Variants in GABRB1 observed in about 807,000 individuals in gnomAD.
GABRB1 encodes the protein gamma-aminobutyric acid type A receptor subunit beta1, also known as gamma-aminobutyric acid receptor subunit beta-1.
A neutral mutation model predicts 51.6 loss-of-function variants in GABRB1; 17 were observed. The ratio of observed to expected loss-of-function variants is 0.33; its 90% CI spans 0.23 to 0.49. GABRB1 has a LOEUF of 0.49. GABRB1 is among the 20% of genes least tolerant of loss of function. The pLI is 0.99. For missense variants in GABRB1, 410 were observed against 600.6 expected (o/e 0.68, Z 3.32); for synonymous variants, 247 against 218.9 (o/e 1.13, Z -1.14).
chr4:47,034,091 A>G, intron 3 of GABRB1, among the ~76,000 whole-genome samples: 1 of 152,188 alleles, frequency 6.6e-6, no homozygotes, highest in East Asian at 1.9e-4. Context: ...TTCCTTTTCA[A>G]TCATTTCCTT....
intron 4 of GABRB1, among the ~76,000 whole-genome samples, chr4:47,306,634 C>T (rs1724482588): frequency 6.6e-6 from 1 of 152,062 alleles, no homozygotes; most frequent in Non-Finnish European, 1.5e-5. Flanking sequence ...TCAATGTGTA[C>T]ATTTTTAAAA....
intron 3 of GABRB1, among the ~76,000 whole-genome samples, chr4:47,152,166 T>C (rs1174180556): frequency 3.3e-5 from 5 of 152,044 alleles, no homozygotes; most frequent in Admixed American, 1.3e-4. Context: ...ATTTTAGTTA[T>C]GTGAAAGTCT....
chr4:47,193,975 A>T (rs1016416502), intron 4 of GABRB1, among the ~76,000 whole-genome samples: 6 of 152,226 alleles, frequency 3.9e-5, no homozygotes, highest in African/African-American at 9.6e-5. Context: ...TTCAGACACA[A>T]TTCTCAAAAA....
intron 3 of GABRB1, among the ~76,000 whole-genome samples, chr4:47,111,714 A>G (rs2109628249): frequency 6.6e-6 from 1 of 151,840 alleles, no homozygotes; most frequent in East Asian, 1.9e-4. Context: ...AAAATACAAC[A>G]ATTAGCTGGG....
chr4:47,230,555 G>A (rs1043860168), intron 4 of GABRB1, among the ~76,000 whole-genome samples: 1 of 152,144 alleles, frequency 6.6e-6, no homozygotes. Context: ...TCTAAGCAGA[G>A]TATCTCATTT....
chr4:47,210,320 A>T (rs1578003700), intron 4 of GABRB1, among the ~76,000 whole-genome samples: 1 of 152,192 alleles, frequency 6.6e-6, no homozygotes, highest in East Asian at 1.9e-4. Flanking sequence ...GCTGAAATGC[A>T]CACAGAGACT....
intron 3 of GABRB1, among the ~76,000 whole-genome samples, chr4:47,085,224 GA>G (rs1293809338): frequency 6.6e-6 from 1 of 152,086 alleles, no homozygotes; most frequent in Non-Finnish European, 1.5e-5. Flanking sequence ...TTATTTAAAA[GA>G]AAAAGAGCAC....
At chr4:47,160,438 G>A (rs1486554794) in intron 3 of GABRB1, among the ~76,000 whole-genome samples, 1 of 152,076 alleles carries the variant, frequency 6.6e-6, no homozygotes, top group African/African-American at 2.4e-5. Context: ...TCCAGATAAG[G>A]GCAAATTGAT....
At chr4:47,085,424 A>G (rs1428535456) in intron 3 of GABRB1, among the ~76,000 whole-genome samples, 1 of 152,232 alleles carries the variant, frequency 6.6e-6, no homozygotes, top group East Asian at 1.9e-4. Flanking sequence ...AGTAAACAAC[A>G]TTCACTTTGT....
chr4:46,999,299 G>T (rs947294882), intron 1 of GABRB1, among the ~76,000 whole-genome samples: 2 of 152,010 alleles, frequency 1.3e-5, no homozygotes, highest in Non-Finnish European at 2.9e-5. Flanking sequence ...GACTGATAAG[G>T]GACTAATAGA....
intron 1 of GABRB1, among the ~76,000 whole-genome samples, chr4:46,997,795 T>C (rs1237733938): frequency 2.0e-5 from 3 of 152,204 alleles, no homozygotes; most frequent in Non-Finnish European, 4.4e-5. Flanking sequence ...CACATATACA[T>C]ATAACAGTTT....
At chr4:47,125,559 C>CTTTTTTTGTTTTTTT (rs1716085677) in intron 3 of GABRB1, among the ~76,000 whole-genome samples, 1 of 80,696 alleles carries the variant, frequency 1.2e-5, no homozygotes, top group African/African-American at 3.9e-5. Flanking sequence ...AGTATAATTT[C>CTTTTTTTGTTTTTTT]TTTTTTTTTT....
At chr4:47,065,622 A>G (rs1172419508) in intron 3 of GABRB1, among the ~76,000 whole-genome samples, 2 of 152,274 alleles carry the variant, frequency 1.3e-5, no homozygotes, top group Non-Finnish European at 2.9e-5. Context: ...TCTTCTTAAT[A>G]TGAGAACTCC....
chr4:47,210,757 A>G (rs896721069), intron 4 of GABRB1, among the ~76,000 whole-genome samples: 1 of 152,166 alleles, frequency 6.6e-6, no homozygotes, highest in African/African-American at 2.4e-5. Context: ...CAGTTGTTAA[A>G]GACATAGAGA....
intron 3 of GABRB1, among the ~76,000 whole-genome samples, chr4:47,155,330 G>A (rs557009165): frequency 6.6e-6 from 1 of 152,136 alleles, no homozygotes; most frequent in South Asian, 2.1e-4. Flanking sequence ...ACAGAGGCCT[G>A]TACTTGGGAC....
At chr4:47,230,898 G>T (rs780563489) in intron 4 of GABRB1, among the ~76,000 whole-genome samples, 16 of 152,158 alleles carry the variant, frequency 1.1e-4, no homozygotes, top group Non-Finnish European at 1.5e-4. Flanking sequence ...CACACCCAGA[G>T]AAAGGTAGTC....
intron 3 of GABRB1, among the ~76,000 whole-genome samples, chr4:47,116,225 T>G (rs761322768): frequency 6.6e-6 from 1 of 151,162 alleles, no homozygotes; most frequent in Non-Finnish European, 1.5e-5. Flanking sequence ...TTGATTTGTG[T>G]TTTTTTTTCC....
chr4:47,406,692 A>T lies in GABRB1; in HGVS notation c.846A>T (p.Thr282=), dbSNP rs6289. 1.1e-5 allele frequency: 18 copies of T among 1,613,872 alleles called. No homozygotes were observed. Among genetic ancestry groups the T allele is most frequent in the Non-Finnish European group, 1.4e-5 (17 of 1,179,960 alleles). The change falls in exon 8 of 9, where the codon ACA becomes ACT. Residue 282 remains threonine (T), a synonymous_variant. Transcript: ENST00000295454. ...CTTTCTCTTTCACAGGAATCACGACAGTGCTTACAATGACAACCATCAGCA... is the reference window on the plus strand; with the variant it reads ...CTTTCTCTTTCACAGGAATCACGACTGTGCTTACAATGACAACCATCAGCA... ...SAARVALGIT[T]VLTMTTISTH...
chr4:47,279,127 GAT>G (rs1723188829), intron 4 of GABRB1, among the ~76,000 whole-genome samples: 2 of 151,946 alleles, frequency 1.3e-5, no homozygotes, highest in East Asian at 1.9e-4. Context: ...TGGATGGATG[GAT>G]GGATAGATGG....
Sources: allele counts gnomAD v4.1 joint callset (sites outside exome capture counted in the v4.1 genomes callset), GRCh38; gene constraint gnomAD v4.1.1; transcripts MANE v1.5; gene names NCBI Gene and HGNC (gene_info 2026-07-23, HGNC 2026-07-21).